Variants in LMTK2 observed in about 807,000 individuals in gnomAD.
LMTK2 encodes the protein serine/threonine-protein kinase LMTK2.
In LMTK2, 37 loss-of-function variants were observed where a neutral mutation model predicts 127.5. The ratio of observed to expected loss-of-function variants is 0.29; its 90% CI spans 0.22 to 0.38. LMTK2 has a LOEUF of 0.38. Ranked by LOEUF, LMTK2 falls within the 10% of genes least tolerant of loss-of-function variation. The pLI is 1.00. For missense variants in LMTK2, 1,694 were observed against 1,920.3 expected, an observed-to-expected ratio of 0.88 and a Z score of 2.20; for synonymous variants, 819 against 810.1, an observed-to-expected ratio of 1.01 and a Z score of -0.19.
At chr7:98,119,228 A>G (rs1796328926) in intron 1 of LMTK2, among the ~76,000 whole-genome samples, 1 of 152,168 alleles carries the variant, frequency 6.6e-6, no homozygotes, top group Non-Finnish European at 1.5e-5. Flanking sequence ...CCTCACTGCC[A>G]CAACACACAT....
chr7:98,189,095 T>C (rs1359442304), intron 9 of LMTK2, among the ~76,000 whole-genome samples: 1 of 152,166 alleles, frequency 6.6e-6, no homozygotes, highest in East Asian at 1.9e-4. Flanking sequence ...GTTGAAGTTC[T>C]GTATTTCTTT....
chr7:98,118,880 CAGG>C (rs1409104690), intron 1 of LMTK2, among the ~76,000 whole-genome samples: 1 of 152,116 alleles, frequency 6.6e-6, no homozygotes, highest in Non-Finnish European at 1.5e-5. Context: ...ATCATGAGGT[CAGG>C]AGATCGAGAC....
rs747890701 is a variant in LMTK2, at chr7:98,159,388, C to T, written c.620C>T (p.Ala207Val). The T allele has an allele frequency of 6.8e-6, 11 of 1,612,224 alleles. No homozygotes were observed. The highest frequency in any genetic ancestry group is 5.0e-5 in the Admixed American group (3 of 59,566). The change falls in exon 6 of 14, where the codon GCG becomes GTG. Residue 207 changes from alanine to valine, a missense_variant. Transcript: ENST00000297293. ...ILQCVGQCVE[A>V]IPYLLVFEFC... ...CAGTGTGTTGGACAGTGCGTAGAAG[C>T]GATTCCCTACCTCCTGGTGTTTGAG... is the stretch of plus-strand genomic sequence containing the variant.
intron 2 of LMTK2, 54 bp from the exon 3 acceptor site, chr7:98,141,343 T>C (rs1796696169): frequency 6.6e-7 from 1 of 1,519,692 alleles, no homozygotes; most frequent in Non-Finnish European, 9.1e-7. Flanking sequence ...GCAAATATGT[T>C]CCTATTTTAA....
intron 11 of LMTK2, among the ~76,000 whole-genome samples, chr7:98,202,436 T>C (rs1415110632): frequency 1.3e-5 from 2 of 152,232 alleles, no homozygotes; most frequent in African/African-American, 4.8e-5. Flanking sequence ...TTGATTGTCT[T>C]TTCCCAGGTA....
chr7:98,157,267 AG>A (rs1796939407), intron 5 of LMTK2, among the ~76,000 whole-genome samples: 1 of 148,510 alleles, frequency 6.7e-6, no homozygotes, highest in Admixed American at 6.7e-5. Context: ...GTAGGTAGGT[AG>A]GTAGGTAGGT....
Position 98,195,630 on chromosome 7 carries a change from A to G in LMTK2, c.4107+1058A>G, listed in dbSNP as rs73710390. On this transcript the variant is annotated intron_variant, in intron 11 of 13. Transcript: ENST00000297293. ...CAGGAGTCCTCGCCGTCTCCTTCAC[A>G]TTGCTTGCCCTCCCTTTTGCTCCAT... 1.0e-3 allele frequency among the ~76,000 whole-genome samples: 153 copies of G among 152,064 alleles called. 1 individual carries two copies. The highest frequency in any genetic ancestry group is 3.4e-3 in the African/African-American group (143 of 41,482).
intron 1 of LMTK2, among the ~76,000 whole-genome samples, chr7:98,109,043 G>A (rs1489757136): frequency 1.3e-5 from 2 of 151,816 alleles, no homozygotes; most frequent in African/African-American, 4.8e-5. Flanking sequence ...TGTATTTTTA[G>A]TAGAGACGGG....
At chr7:98,155,411 A>G (rs57670235) in intron 5 of LMTK2, among the ~76,000 whole-genome samples, 7,872 of 152,250 alleles carry the variant, frequency 0.052, 703 homozygotes, top group African/African-American at 0.18. Flanking sequence ...AAAATTTTCT[A>G]CATTTGGAAA....
At chr7:98,166,476 ATGTGTTTTT>A (rs1797102870) in intron 6 of LMTK2, among the ~76,000 whole-genome samples, 2 of 152,248 alleles carry the variant, frequency 1.3e-5, no homozygotes, top group South Asian at 4.1e-4. Flanking sequence ...CAACTGTGCA[ATGTGTTTTT>A]GTTTTAACCT....
chr7:98,149,477 C>T (rs1420896738), intron 3 of LMTK2, among the ~76,000 whole-genome samples: 1 of 152,170 alleles, frequency 6.6e-6, no homozygotes, highest in African/African-American at 2.4e-5. Context: ...CATCTCTGCT[C>T]CACCATTTCC....
chr7:98,117,521 G>A (rs891139476), intron 1 of LMTK2, among the ~76,000 whole-genome samples: 11 of 151,846 alleles, frequency 7.2e-5, no homozygotes, highest in African/African-American at 1.5e-4. Context: ...TGGGTGCCCC[G>A]CTGACATATC....
intron 13 of LMTK2, 121 bp downstream of exon 13, chr7:98,204,307 T>C (rs1231684108): frequency 1.5e-6 from 2 of 1,319,012 alleles, no homozygotes; most frequent in Non-Finnish European, 2.1e-6. Flanking sequence ...GCTGAGTAGA[T>C]TACAAACTTG....
chr7:98,183,833 G>A (rs1246811310), intron 7 of LMTK2, among the ~76,000 whole-genome samples: 2 of 152,174 alleles, frequency 1.3e-5, no homozygotes, highest in Admixed American at 1.3e-4. Flanking sequence ...CCATGCCCAA[G>A]TGGGTTTCTG....
rs761038593 is a variant in LMTK2, at chr7:98,192,704, A to G, written c.2239A>G (p.Thr747Ala). 1.2e-6 allele frequency: 2 copies of G among 1,612,058 alleles called. No homozygotes were observed. Among genetic ancestry groups the G allele is most frequent in the South Asian group, 1.1e-5 (1 of 90,708 alleles). Residue 747 changes from threonine (T) to alanine (A), a missense_variant, in exon 11 of 14, where the codon ACA becomes GCA. By Grantham distance (58) the Thr-to-Ala change is moderately conservative. Transcript: ENST00000297293. The stretch of plus-strand genomic sequence containing the variant: ...CAAAGAACACATAAATGATCTTCAG[A>G]CAGAACTTAAGAATGCTGGTTTTAC... Reference protein sequence around the residue: ...SSKEHINDLQTELKNAGFTEA... With the variant: ...SSKEHINDLQAELKNAGFTEA...
chr7:98,108,856 C>CTTTT (rs11345679), intron 1 of LMTK2, among the ~76,000 whole-genome samples: 21 of 100,774 alleles, frequency 2.1e-4, no homozygotes, highest in Non-Finnish European at 2.8e-4. Context: ...TGCCTGCACA[C>CTTTT]TTTTTTTTTT....
At chr7:98,164,773 G>A (rs372298396) in intron 6 of LMTK2, among the ~76,000 whole-genome samples, 62 of 152,250 alleles carry the variant, frequency 4.1e-4, no homozygotes, top group African/African-American at 9.9e-4. Flanking sequence ...AACAAAGCAC[G>A]CTGGAGACCA....
chr7:98,191,915 G>A lies in LMTK2; in HGVS notation c.1450G>A (p.Asp484Asn), dbSNP rs147940573. 1.3e-5 allele frequency: 21 copies of A among 1,613,940 alleles called. No individual in the cohort carries two copies. In the East Asian group the frequency reaches 2.0e-4, roughly 15 times the overall value. ...GTATGTCTGGGAGGCCGCTAAGCAC[G>A]ACCACTTTGACGAGCGCAGCCGGGG... ...FEYVWEAAKHDHFDERSRGHL... is the reference protein window; with the variant it reads ...FEYVWEAAKHNHFDERSRGHL... The change falls in exon 11 of 14, where the codon GAC becomes AAC. Residue 484 changes from aspartate to asparagine, a missense_variant. This residue lies in a region of LMTK2 where 216 missense variants were observed against 266.8 expected (regional missense o/e 0.81). Coordinates refer to ENST00000297293, the MANE Select transcript of LMTK2 (RefSeq NM_014916.4).
intron 3 of LMTK2, among the ~76,000 whole-genome samples, chr7:98,146,480 A>G (rs1340580846): frequency 6.6e-6 from 1 of 152,022 alleles, no homozygotes; most frequent in Non-Finnish European, 1.5e-5. Context: ...GTTGTAATCA[A>G]GGAATTTTTT....
Sources: gnomAD v4.1 joint callset for allele counts (sites outside exome capture counted in the v4.1 genomes callset) on GRCh38, gnomAD v4.1.1 for gene constraint, gnomAD v4.1.1 regional missense constraint, MANE v1.5 for transcripts, NCBI Gene and HGNC (gene_info 2026-07-23, HGNC 2026-07-21) for gene names.